The following RNF17 variants were observed in gnomAD, a reference collection of about 807,000 sequenced individuals.
The protein encoded by RNF17 is ring finger protein 17, also known as spermatogenesis associated 23.
A neutral mutation model predicts 200.5 loss-of-function variants in RNF17; 31 were observed. The observed-to-expected ratio is 0.15, with a 90% confidence interval of 0.12 to 0.21. RNF17 has a LOEUF of 0.21. RNF17 is among the 10% of genes least tolerant of loss of function. The pLI is 1.00. For missense variants in RNF17, 1,628 were observed against 1,905.1 expected, an observed-to-expected ratio of 0.85 and a Z score of 2.71; for synonymous variants, 606 against 637.8, an observed-to-expected ratio of 0.95 and a Z score of 0.75.
intron 17 of RNF17, 98 bp from the exon 18 acceptor site, chr13:24,831,760 A>G: frequency 9.7e-7 from 1 of 1,032,754 alleles, no homozygotes; most frequent in Non-Finnish European, 1.4e-6. Context: ...TGAAATTCAA[A>G]CATAAAGATT....
At chr13:24,754,179 A>G in the RNF17 span, among the ~76,000 whole-genome samples, 1 of 150,328 alleles carries the variant, frequency 6.7e-6, no homozygotes, top group Non-Finnish European at 1.5e-5. Flanking sequence ...AAAAAAAAAT[A>G]AAATAAAATA....
chr13:24,811,407 G>A (rs1390304496), intron 15 of RNF17, among the ~76,000 whole-genome samples: 1 of 151,976 alleles, frequency 6.6e-6, no homozygotes, highest in East Asian at 1.9e-4. Flanking sequence ...TTCCATCGCT[G>A]ATACCCTTTC....
At chr13:24,773,616 G>A (rs1226790839) in intron 2 of RNF17, among the ~76,000 whole-genome samples, 1 of 152,066 alleles carries the variant, frequency 6.6e-6, no homozygotes. Flanking sequence ...TTGGGTCATG[G>A]GATCAACAGA....
At chr13:24,826,692 G>C (rs1431919344) in intron 16 of RNF17, among the ~76,000 whole-genome samples, 1 of 152,030 alleles carries the variant, frequency 6.6e-6, no homozygotes, top group Non-Finnish European at 1.5e-5. Context: ...AGAATCACTT[G>C]GTCCTGGGAG....
At chr13:24,875,370 T>A (rs192415240) in intron 33 of RNF17, among the ~76,000 whole-genome samples, 2 of 152,256 alleles carry the variant, frequency 1.3e-5, no homozygotes, top group Admixed American at 6.5e-5. Flanking sequence ...GATAAGATGA[T>A]GTTGAAGATG....
intron 2 of RNF17, among the ~76,000 whole-genome samples, chr13:24,768,711 T>C (rs1880167985): frequency 6.6e-6 from 1 of 152,012 alleles, no homozygotes; most frequent in African/African-American, 2.4e-5. Flanking sequence ...ATTCTGTCAG[T>C]CTAGCCTGGG....
chr13:24,791,537 T>G (rs1256627761), intron 9 of RNF17, among the ~76,000 whole-genome samples: 1 of 152,176 alleles, frequency 6.6e-6, no homozygotes, highest in Non-Finnish European at 1.5e-5. Flanking sequence ...ATGCTGAAAC[T>G]TAAGAGATCT....
rs1380284497 is a variant in RNF17, at chr13:24,827,727, A to AAC, written c.2245+1956_2245+1957insCA. Reference sequence around the variant, plus strand: ...AAAAAAAAAAAAAAAACAAAAAAAAAAAAACAATAGAAATTTACTTCTCGG... The same window carrying AAC: ...AAAAAAAAAAAAAAAACAAAAAAAAAACAAAACAATAGAAATTTACTTCTCGG... On this transcript the variant is annotated intron_variant, in intron 16 of 35. Transcript: ENST00000255324. Among the ~76,000 whole-genome samples the AAC allele has an allele frequency of 3.4e-5, 5 of 148,034 alleles. No homozygotes were observed. The East Asian group carries it at 9.8e-4, about 29-fold the overall frequency.
chr13:24,883,119 TG>T (rs1453153590), downstream of RNF17: 33 of 1,392,472 alleles, frequency 2.4e-5, no homozygotes, highest in Non-Finnish European at 3.4e-5. Context: ...CCACAGTAAA[TG>T]TACATTTTTT....
At chr13:24,807,030 T>G (rs1241134860) in intron 15 of RNF17, among the ~76,000 whole-genome samples, 1 of 151,898 alleles carries the variant, frequency 6.6e-6, no homozygotes, top group Non-Finnish European at 1.5e-5. Context: ...TGCCACATTT[T>G]CTTAATCCAG....
At chr13:24,844,275 T>A (rs1268689076) in intron 20 of RNF17, among the ~76,000 whole-genome samples, 2 of 152,038 alleles carry the variant, frequency 1.3e-5, no homozygotes, top group Admixed American at 6.6e-5. Context: ...TAAACTCTAG[T>A]AGAGGGAGAG....
At chr13:24,798,656 A>G (rs1051785500) in intron 11 of RNF17, among the ~76,000 whole-genome samples, 11 of 152,194 alleles carry the variant, frequency 7.2e-5, no homozygotes, top group African/African-American at 1.4e-4. Context: ...TTCCTCACCT[A>G]TGATAGGAAC....
rs144473514 is a variant in RNF17, at chr13:24,799,555, T to C, written c.1560T>C (p.Phe520=). The C allele has an allele frequency of 4.7e-5, 75 of 1,608,798 alleles. No individual in the cohort carries two copies. In the African/African-American group the frequency reaches 9.5e-4, roughly 20 times the overall value. Reference sequence around the variant, plus strand: ...TAATACAAATATTCATGGTAGATTTTGGAAATTCTGAAGTCCTGATTGTCA... The same window carrying C: ...TAATACAAATATTCATGGTAGATTTCGGAAATTCTGAAGTCCTGATTGTCA... ...VALIQIFMVD[F]GNSEVLIVTG... Residue 520 remains phenylalanine, a synonymous_variant, in exon 12 of 36, where the codon TTT becomes TTC. Transcript: ENST00000255324.
intron 22 of RNF17, among the ~76,000 whole-genome samples, chr13:24,848,292 G>C (rs1470401151): frequency 2.0e-5 from 3 of 152,104 alleles, no homozygotes; most frequent in Non-Finnish European, 4.4e-5. Context: ...TTAATAGATT[G>C]TTCTTAGGTT....
In RNF17 at chr13:24,793,254, C is replaced by G; in HGVS notation, c.1148C>G (p.Ala383Gly). Residue 383 changes from alanine (A) to glycine (G), a missense_variant, in exon 10 of 36, where the codon GCA becomes GGA. Transcript: ENST00000255324. Reference sequence around the variant, plus strand: ...AACTTCCAGCCACAGAAAGACGTTGCAACAGCATCCCCTAAAACCATTGCT... The same window carrying G: ...AACTTCCAGCCACAGAAAGACGTTGGAACAGCATCCCCTAAAACCATTGCT... ...AKNFQPQKDV[A>G]TASPKTIAVL... 6.2e-7 allele frequency: 1 copy of G among 1,614,042 alleles called. No homozygotes were observed. The highest frequency in any genetic ancestry group is 8.5e-7 in the Non-Finnish European group (1 of 1,179,952).
intron 3 of RNF17, among the ~76,000 whole-genome samples, chr13:24,776,648 A>T (rs990679559): frequency 6.6e-6 from 1 of 152,176 alleles, no homozygotes; most frequent in Non-Finnish European, 1.5e-5. Flanking sequence ...AGGGCTCCCA[A>T]ATTTGAACAC....
chr13:24,864,868 A>G lies in RNF17; in HGVS notation c.3976-5A>G. Reference sequence around the variant, plus strand: ...TTATGATTATCTTTATTGAACTTTAAATAGGAGTTACCTAAAAATCCATGG... The same window carrying G: ...TTATGATTATCTTTATTGAACTTTAGATAGGAGTTACCTAAAAATCCATGG... On this transcript the variant is annotated splice_region_variant and splice_polypyrimidine_tract_variant and intron_variant, in intron 28 of 35. Transcript: ENST00000255324. The G allele has an allele frequency of 6.6e-7, 1 of 1,525,912 alleles. No individual in the cohort carries two copies. Among genetic ancestry groups the G allele is most frequent in the Non-Finnish European group, 9.0e-7 (1 of 1,115,690 alleles). The allele number at this position is 1,525,912 out of a possible 1,614,324, so 94.5% of individuals were successfully genotyped here.
chr13:24,764,007 G>A, upstream of RNF17: 1 of 453,310 alleles, frequency 2.2e-6, no homozygotes, highest in Non-Finnish European at 3.9e-6. Context: ...CGGCCACAAG[G>A]CGCCCCTTCT....
In RNF17 at chr13:24,804,375, T is replaced by A; in HGVS notation, c.2037T>A (p.Asp679Glu). Residue 679 changes from aspartate to glutamate, a missense_variant, in exon 15 of 36, where the codon GAT becomes GAA. Around this residue, in one of 5 missense-constraint regions of RNF17, gnomAD observed 289 missense variants for 384.9 expected, o/e 0.75. Transcript: ENST00000255324. Reference sequence around the variant, plus strand: ...CTATTTTGCCTAAAGAAATGACAGATGTTTCAGTAACGGTTTGTCATATAA... The same window carrying A: ...CTATTTTGCCTAAAGAAATGACAGAAGTTTCAGTAACGGTTTGTCATATAA... ...HPPILPKEMT[D>E]VSVTVCHINS... The A allele has an allele frequency of 6.2e-7, 1 of 1,612,564 alleles. No individual in the cohort carries two copies. The highest frequency in any genetic ancestry group is 8.5e-7 in the Non-Finnish European group (1 of 1,178,576).
Sources: allele counts gnomAD v4.1 joint callset (sites outside exome capture counted in the v4.1 genomes callset), GRCh38; gene constraint gnomAD v4.1.1; regional missense constraint gnomAD v4.1.1; transcripts MANE v1.5; gene names NCBI Gene and HGNC (gene_info 2026-07-23, HGNC 2026-07-21).